The following IRAG1 variants were observed in gnomAD, a reference collection of about 807,000 sequenced individuals.
The protein encoded by IRAG1 is IP3R-associated cGMP kinase substrate.
Under a neutral mutation model 106.2 loss-of-function variants are expected in IRAG1, and 62 were observed. That is an observed-to-expected ratio of 0.58 (90% CI 0.48 to 0.72). The LOEUF (loss-of-function observed/expected upper bound fraction) is 0.72, where lower values mean the gene tolerates loss of function less well. Ranked by LOEUF, IRAG1 falls within the 30% of genes least tolerant of loss-of-function variation. The pLI is 0.00. For synonymous variants in IRAG1, 462 were observed against 443.9 expected (o/e 1.04, Z -0.51); for missense variants, 1,064 against 1,140.7 (o/e 0.93, Z 0.97).
chr11:10,687,787 AAC>A (rs1228987237), intron 1 of IRAG1: 1 of 1,289,054 alleles, frequency 7.8e-7, no homozygotes, highest in East Asian at 5.5e-5. Flanking sequence ...TCTGGAGGGG[AAC>A]AGACAGGGGC....
intron 1 of IRAG1, among the ~76,000 whole-genome samples, chr11:10,670,101 C>T (rs1339752965): frequency 6.6e-6 from 1 of 152,184 alleles, no homozygotes; most frequent in Non-Finnish European, 1.5e-5. Context: ...TTGGCTTTTG[C>T]AAGAATTGCA....
At chr11:10,591,836 C>G (rs997521082) in intron 17 of IRAG1, among the ~76,000 whole-genome samples, 1 of 152,178 alleles carries the variant, frequency 6.6e-6, no homozygotes, top group Admixed American at 6.5e-5. Context: ...TTTTCCTTCA[C>G]CTCTGCTAAG....
At chr11:10,658,864 G>A (rs1004276905) in intron 1 of IRAG1, among the ~76,000 whole-genome samples, 7 of 147,376 alleles carry the variant, frequency 4.7e-5, no homozygotes, top group African/African-American at 1.3e-4. Context: ...TGTCTGTGCC[G>A]TGCTCAGTCC....
intron 11 of IRAG1, among the ~76,000 whole-genome samples, chr11:10,608,410 G>A (rs891965431): frequency 1.3e-5 from 2 of 152,032 alleles, no homozygotes; most frequent in Non-Finnish European, 2.9e-5. Context: ...GATTACAGGT[G>A]TATGAGCCAC....
At chr11:10,615,946 A>G (rs1000470626) in intron 10 of IRAG1, among the ~76,000 whole-genome samples, 1 of 98,828 alleles carries the variant, frequency 1.0e-5, no homozygotes, top group Non-Finnish European at 2.6e-5. Context: ...AAAAAAAAGT[A>G]TATTACTAAG....
intron 1 of IRAG1, among the ~76,000 whole-genome samples, chr11:10,673,391 GC>G (rs1860403303): frequency 1.3e-5 from 2 of 152,180 alleles, no homozygotes; most frequent in South Asian, 4.2e-4. Flanking sequence ...AGTGAAAGAA[GC>G]CAGTCACAAA....
Position 10,581,858 on chromosome 11 carries a change from C to A in IRAG1, c.2360+9G>T, listed in dbSNP as rs1335515396. 1.2e-6 allele frequency: 2 copies of A among 1,612,730 alleles called. No homozygotes were observed. The highest frequency in any genetic ancestry group is 3.3e-5 in the Admixed American group (2 of 59,742). ...CAGGTGCCCTTGGGGTGGCTGAGGT[C>A]TGACTCACCCCTTGCTGTAGGCTTC... On this transcript the variant is annotated intron_variant, in intron 19 of 20. Coordinates refer to ENST00000423302, the MANE Select transcript of IRAG1 (RefSeq NM_130385.4).
intron 1 of IRAG1, chr11:10,690,413 G>A (rs1861971484): frequency 7.8e-7 from 1 of 1,285,188 alleles, no homozygotes; most frequent in African/African-American, 1.5e-5. Flanking sequence ...ACTGTCCTCT[G>A]CTTTCCACCT....
intron 1 of IRAG1, among the ~76,000 whole-genome samples, chr11:10,656,265 G>A (rs1302931772): frequency 3.3e-5 from 5 of 152,166 alleles, no homozygotes; most frequent in African/African-American, 7.2e-5. Context: ...AGTCTGGTTC[G>A]GAAAGGGTTA....
intron 11 of IRAG1, among the ~76,000 whole-genome samples, chr11:10,607,183 G>GA (rs1854548096): frequency 6.6e-6 from 1 of 152,168 alleles, no homozygotes; most frequent in South Asian, 2.1e-4. Flanking sequence ...TGAGAAATAA[G>GA]AAAATGCATG....
chr11:10,622,028 G>A (rs1386757876), intron 10 of IRAG1, among the ~76,000 whole-genome samples: 8 of 152,192 alleles, frequency 5.3e-5, no homozygotes, highest in African/African-American at 1.2e-4. Context: ...GAAATGGATA[G>A]TGGTGATGGC....
At chr11:10,678,215 G>A (rs180672503) in intron 1 of IRAG1, among the ~76,000 whole-genome samples, 128 of 152,244 alleles carry the variant, frequency 8.4e-4, no homozygotes, top group Middle Eastern at 3.4e-3. Context: ...GGGTCATATG[G>A]AAATTTTACA....
At position 10,626,593 on chromosome 11, in the gene IRAG1, A is replaced by G; in HGVS notation, c.751-10T>C. ...GCCCTTTGGGGACGTTCTGAAAAAG[A>G]CAAGGTAGAGCTGGAACCCTCGGGG... On this transcript the variant is annotated splice_polypyrimidine_tract_variant and intron_variant, in intron 8 of 20. Coordinates refer to ENST00000423302, the MANE Select transcript of IRAG1 (RefSeq NM_130385.4). 1 of 1,589,762 alleles carries G rather than the reference A, an allele frequency of 6.3e-7. No homozygotes were observed. The highest frequency in any genetic ancestry group is 8.6e-7 in the Non-Finnish European group (1 of 1,166,214).
chr11:10,612,860 A>T (rs1476479267), intron 10 of IRAG1, among the ~76,000 whole-genome samples: 3 of 152,206 alleles, frequency 2.0e-5, no homozygotes, highest in Non-Finnish European at 4.4e-5. Context: ...AAGATGGAAG[A>T]TGATTGCTAT....
rs779176805 is a variant in IRAG1 at position 10,629,560 on chromosome 11, G to A, written c.552C>T (p.Ser184=). The A allele has an allele frequency of 6.2e-7, 1 of 1,613,896 alleles. No individual in the cohort carries two copies. Among genetic ancestry groups the A allele is most frequent in the Non-Finnish European group, 8.5e-7 (1 of 1,179,822 alleles). Residue 184 remains serine, a synonymous_variant, in exon 5 of 21, where the codon AGC becomes AGT. Transcript: ENST00000423302. ...TACCTGATGGGGAGTCTCCGGGGCT[G>A]CTCCTGGACTTCCTCCCACGGCGGG... is the stretch of plus-strand genomic sequence containing the variant. The part of the protein sequence containing the change: ...FLTRRGRKSR[S]SPGDSPSAVS...
In IRAG1 at chr11:10,573,589, T is replaced by C. The variant is rs1850688358; in HGVS notation, c.*2743A>G. 6.6e-6 allele frequency: 1 copy of C among 152,260 alleles called. No homozygotes were observed. The highest frequency in any genetic ancestry group is 2.1e-4 in the South Asian group (1 of 4,822). The allele number at this position is 152,260 out of a possible 1,614,324, so 9.4% of individuals were successfully genotyped here. The stretch of plus-strand genomic sequence containing the variant: ...TATGCTCCCTTTTGGAGATGTCCTT[T>C]TCCTCGACCTCCCTTGCTTACAAAT... On this transcript the variant is annotated 3_prime_UTR_variant, in exon 21 of 21. Coordinates refer to ENST00000423302, the MANE Select transcript of IRAG1 (RefSeq NM_130385.4).
chr11:10,634,129 C>T lies in IRAG1; in HGVS notation c.226-58G>A, dbSNP rs867614736. 5.7e-6 allele frequency: 6 copies of T among 1,052,184 alleles called. 1 individual carries two copies. In the Middle Eastern group the frequency reaches 8.3e-4, roughly 145 times the overall value. 65.2% of individuals were successfully genotyped at this position (1,052,184 alleles called of 1,614,324 possible). A position where few individuals can be genotyped will look rare whatever the true frequency, so the allele number is the denominator to read the frequency against. ...CTTGGGCTGGTGGGACTTCCAGGGA[C>T]AGGAGCCAGAGCATTTATTCTCACA... On this transcript the variant is annotated intron_variant, in intron 2 of 20. Transcript: ENST00000423302.
chr11:10,620,871 T>C (rs1357659573), intron 10 of IRAG1, among the ~76,000 whole-genome samples: 1 of 152,228 alleles, frequency 6.6e-6, no homozygotes, highest in Non-Finnish European at 1.5e-5. Context: ...TTGTTTATAC[T>C]AGCATTGTTA....
intron 4 of IRAG1, among the ~76,000 whole-genome samples, chr11:10,631,608 G>A (rs1856694868): frequency 6.6e-6 from 1 of 152,212 alleles, no homozygotes; most frequent in African/African-American, 2.4e-5. Flanking sequence ...GGCAGATCGT[G>A]AGCCACCATC....
Sources: allele counts gnomAD v4.1 joint callset (sites outside exome capture counted in the v4.1 genomes callset), GRCh38; gene constraint gnomAD v4.1.1; transcripts MANE v1.5; gene names NCBI Gene and HGNC (gene_info 2026-07-23, HGNC 2026-07-21).